CHD2: variants seen among roughly 807,000 people sequenced by gnomAD.
CHD2 encodes ATP-dependent chromatin remodeler CHD2.
Under a neutral mutation model 243.9 loss-of-function variants are expected in CHD2, and 28 were observed. The ratio of observed to expected loss-of-function variants is 0.11; its 90% confidence interval spans 0.09 to 0.16. The LOEUF (loss-of-function observed/expected upper bound fraction) is 0.16, where lower values mean the gene tolerates loss of function less well. Among genes scored for constraint, CHD2 ranks in the 10% least tolerant of loss-of-function variants. CHD2 has a pLI of 1.00. For synonymous variants in CHD2, 775 were observed against 779.0 expected (o/e 0.99, Z 0.09); for missense variants, 1,386 against 2,209.8 (o/e 0.63, Z 7.47).
chr15:92,972,944 A>G (rs531810402), intron 19 of CHD2, among the ~76,000 whole-genome samples: 1 of 152,016 alleles, frequency 6.6e-6, no homozygotes, highest in African/African-American at 2.4e-5. Context: ...TGAGGAGACG[A>G]TTCTTTTTTT....
At chr15:92,909,566 G>C (rs2052689555) in intron 2 of CHD2, among the ~76,000 whole-genome samples, 1 of 152,144 alleles carries the variant, frequency 6.6e-6, no homozygotes. Flanking sequence ...TATTATAGAT[G>C]CCTGAGGCTG....
At chr15:92,990,316 T>C (rs76277467) in intron 26 of CHD2, among the ~76,000 whole-genome samples, 10,984 of 152,176 alleles carry the variant, frequency 0.072, 565 homozygotes, top group South Asian at 0.12. Flanking sequence ...GGTTAAGGGG[T>C]GGGAATAGTG....
chr15:92,900,769 T>C lies in CHD2; in HGVS notation c.-127T>C, dbSNP rs937413093. 5.1e-6 allele frequency: 2 copies of C among 395,878 alleles called. No individual in the cohort carries two copies. Among genetic ancestry groups the C allele is most frequent in the Non-Finnish European group, 8.9e-6 (2 of 225,108 alleles). The allele number at this position is 395,878 out of a possible 1,614,324, so 24.5% of individuals were successfully genotyped here. On this transcript the variant is annotated 5_prime_UTR_variant, in exon 1 of 39. Transcript: ENST00000394196. ...CCTTTATTTTTAATTATTTGGGATC[T>C]GATATTTTTCTACTAGTAGATAGGA...
chr15:92,991,466 C>A lies in CHD2; in HGVS notation c.3414-10C>A. On this transcript the variant is annotated splice_polypyrimidine_tract_variant and intron_variant, in intron 26 of 38. Transcript: ENST00000394196. Reference sequence around the variant, plus strand: ...GTTTTTTTAATATGTTTTATTGATCCTATTCTTAGGTTCATCAAGGCTTAT... The same window carrying A: ...GTTTTTTTAATATGTTTTATTGATCATATTCTTAGGTTCATCAAGGCTTAT... The A allele has an allele frequency of 1.3e-6, 2 of 1,595,702 alleles. No homozygotes were observed. The highest frequency in any genetic ancestry group is 1.1e-5 in the South Asian group (1 of 89,406).
At chr15:92,987,474 ACC>A (rs1181513722) in intron 26 of CHD2, among the ~76,000 whole-genome samples, 1 of 151,844 alleles carries the variant, frequency 6.6e-6, no homozygotes, top group Non-Finnish European at 1.5e-5. Context: ...GGTGGTACAC[ACC>A]TGCAGTCCCA....
chr15:92,940,658 G>A (rs2053346484), intron 7 of CHD2, among the ~76,000 whole-genome samples: 1 of 150,556 alleles, frequency 6.6e-6, no homozygotes, highest in East Asian at 1.9e-4. Context: ...CTAGTGTATA[G>A]CCTAGCACTT....
chr15:92,908,275 C>A (rs953315883), intron 2 of CHD2, among the ~76,000 whole-genome samples: 3 of 152,120 alleles, frequency 2.0e-5, no homozygotes, highest in Admixed American at 1.3e-4. Context: ...GTAATATTTA[C>A]AACCAATGTC....
At chr15:93,008,557 T>G (rs1208993413) in intron 34 of CHD2, among the ~76,000 whole-genome samples, 1 of 152,176 alleles carries the variant, frequency 6.6e-6, no homozygotes, top group Non-Finnish European at 1.5e-5. Context: ...TCAGGTCTGT[T>G]TTGTCATTTC....
chr15:92,988,812 C>G (rs1035808171), intron 26 of CHD2, among the ~76,000 whole-genome samples: 1 of 151,784 alleles, frequency 6.6e-6, no homozygotes, highest in African/African-American at 2.4e-5. Flanking sequence ...CTATTTCACT[C>G]TTTAAAAAAT....
intron 5 of CHD2, among the ~76,000 whole-genome samples, chr15:92,931,863 C>CTT (rs34215273): frequency 6.8e-4 from 92 of 134,458 alleles, no homozygotes; most frequent in East Asian, 2.3e-3. Context: ...TGCTGACGTA[C>CTT]TTTTTTTTTT....
intron 19 of CHD2, among the ~76,000 whole-genome samples, chr15:92,974,571 A>G (rs2053883200): frequency 2.6e-5 from 4 of 152,180 alleles, no homozygotes; most frequent in African/African-American, 9.6e-5. Context: ...AAGTAAACCC[A>G]GCCTCCAAGC....
At chr15:92,933,097 A>G (rs1429555164) in intron 5 of CHD2, among the ~76,000 whole-genome samples, 1 of 143,936 alleles carries the variant, frequency 6.9e-6, no homozygotes, top group Non-Finnish European at 1.5e-5. Flanking sequence ...ATTGGTGCAC[A>G]TGTGTGGCCA....
In CHD2 at chr15:92,902,049, T is replaced by G. The variant is rs563651147; in HGVS notation, c.62+750T>G. 8.0e-4 allele frequency: 316 copies of G among 394,302 alleles called. 1 individual carries two copies. Among genetic ancestry groups the G allele is most frequent in the Non-Finnish European group, 1.2e-3 (272 of 223,788 alleles). The allele number at this position is 394,302 out of a possible 1,614,324, so 24.4% of individuals were successfully genotyped here. On this transcript the variant is annotated intron_variant, in intron 2 of 38. Coordinates refer to ENST00000394196, the MANE Select transcript of CHD2 (RefSeq NM_001271.4). ...GTGATTAATATTTGCAGTTGTATATTTTACATTTAAATTATTTTAAGGTTT... is the reference window on the plus strand; with the variant it reads ...GTGATTAATATTTGCAGTTGTATATGTTACATTTAAATTATTTTAAGGTTT...
chr15:92,933,890 G>A (rs372735805), intron 5 of CHD2, among the ~76,000 whole-genome samples: 1 of 152,348 alleles, frequency 6.6e-6, no homozygotes, highest in African/African-American at 2.4e-5. Flanking sequence ...ACAGGCATGA[G>A]CCACTGTGCC....
At position 92,937,638 on chromosome 15, in the gene CHD2, C is replaced by A; in HGVS notation, c.551+13C>A. ...CTGTCCCCAGAAGGTGCACTGTTTG[C>A]TTAAGATCTCTACTTGGGATGAGCT... On this transcript the variant is annotated intron_variant, in intron 6 of 38. Coordinates refer to ENST00000394196, the MANE Select transcript of CHD2 (RefSeq NM_001271.4). The A allele has an allele frequency of 6.3e-7, 1 of 1,580,266 alleles. No homozygotes were observed. The highest frequency in any genetic ancestry group is 2.2e-5 in the East Asian group (1 of 44,692).
At chr15:92,960,732 T>TTTTTA (rs1305336683) in intron 16 of CHD2, among the ~76,000 whole-genome samples, 3 of 146,198 alleles carry the variant, frequency 2.1e-5, no homozygotes, top group Non-Finnish European at 1.5e-5. Context: ...TTTTTTTTTT[T>TTTTTA]AAGACAGAGT....
intron 20 of CHD2, among the ~76,000 whole-genome samples, chr15:92,976,893 T>C (rs1389535082): frequency 1.3e-5 from 2 of 150,630 alleles, no homozygotes; most frequent in African/African-American, 2.4e-5. Flanking sequence ...AATGAGACCC[T>C]GTCTCAAAAA....
At chr15:92,983,145 A>G (rs2054000692) in intron 24 of CHD2, among the ~76,000 whole-genome samples, 1 of 152,086 alleles carries the variant, frequency 6.6e-6, no homozygotes, top group African/African-American at 2.4e-5. Flanking sequence ...AACACCTTAC[A>G]TTGGGAGTTA....
chr15:92,986,062 C>A (rs2054038858), intron 26 of CHD2, among the ~76,000 whole-genome samples: 1 of 152,198 alleles, frequency 6.6e-6, no homozygotes. Context: ...CCGCCACAAT[C>A]CCACTTCCAC....
Sources: allele counts gnomAD v4.1 joint callset (sites outside exome capture counted in the v4.1 genomes callset), GRCh38; gene constraint gnomAD v4.1.1; transcripts MANE v1.5; gene names NCBI Gene and HGNC (gene_info 2026-07-23, HGNC 2026-07-21).